The following PHIP variants were observed in gnomAD, a reference collection of about 807,000 sequenced individuals.
PHIP encodes the protein PHIP subunit of CUL4-Ring ligase complex.
PHIP carries 54 observed loss-of-function variants against 236.8 expected under a neutral mutation model. That is an observed-to-expected ratio of 0.23 (90% CI 0.18 to 0.29). PHIP has a LOEUF of 0.29. Ranked by LOEUF, PHIP falls within the 10% of genes least tolerant of loss-of-function variation. The pLI is 1.00. For synonymous variants in PHIP, 756 were observed against 718.9 expected (o/e 1.05, Z -0.83); for missense variants, 1,370 against 2,190.8 (o/e 0.63, Z 7.48).
chr6:79,019,049 GAAC>G (rs1359316227), intron 10 of PHIP, 37 bp downstream of exon 10: 1 of 1,422,926 alleles, frequency 7.0e-7, no homozygotes, highest in African/African-American at 1.4e-5. Context: ...GCTTCTAAAT[GAAC>G]AACTTTAAGT....
chr6:79,076,310 C>A (rs997771147), intron 4 of PHIP, among the ~76,000 whole-genome samples: 4 of 152,178 alleles, frequency 2.6e-5, no homozygotes, highest in Non-Finnish European at 5.9e-5. Flanking sequence ...TAGAGAAGTT[C>A]TGATGAAGTA....
intron 19 of PHIP, among the ~76,000 whole-genome samples, chr6:78,993,496 C>T (rs1482598827): frequency 6.6e-6 from 1 of 152,196 alleles, no homozygotes; most frequent in African/African-American, 2.4e-5. Context: ...GGGGCTAATA[C>T]AGCTAGTGAC....
At chr6:78,980,712 A>T (rs1768468354) in intron 23 of PHIP, among the ~76,000 whole-genome samples, 1 of 152,058 alleles carries the variant, frequency 6.6e-6, no homozygotes, top group African/African-American at 2.4e-5. Context: ...AGATCCCACA[A>T]CCCAGGAACT....
In PHIP at chr6:79,078,010, C is replaced by G; in HGVS notation, c.40+19G>C. On this transcript the variant is annotated intron_variant, in intron 1 of 39. Transcript: ENST00000275034. ...CGGAATCGCCCGGTGCCAGCGGCCC[C>G]GGCAGCCCCCCGACTTACCCGATCG... 1 of 1,608,088 alleles carries G rather than the reference C, an allele frequency of 6.2e-7. No individual in the cohort carries two copies. Among genetic ancestry groups the G allele is most frequent in the Non-Finnish European group, 8.5e-7 (1 of 1,178,868 alleles).
At position 79,070,857 on chromosome 6, in the gene PHIP, T is replaced by C. The variant is rs148252008; in HGVS notation, c.189+6591A>G. Among the ~76,000 whole-genome samples the C allele has an allele frequency of 2.3e-3, 358 of 152,378 alleles. 1 individual carries two copies. Among genetic ancestry groups the C allele is most frequent in the African/African-American group, 8.3e-3 (344 of 41,584 alleles). On this transcript the variant is annotated intron_variant, in intron 4 of 39. Coordinates refer to ENST00000275034, the MANE Select transcript of PHIP (RefSeq NM_017934.7). ...GTTACAATGTATTTTAAAAATTTTT[T>C]ATGTATTTTTTTCTAAACTATTTTG...
At chr6:78,942,678 T>G (rs1773568094) in intron 39 of PHIP, among the ~76,000 whole-genome samples, 2 of 152,300 alleles carry the variant, frequency 1.3e-5, no homozygotes, top group South Asian at 4.1e-4. Flanking sequence ...CAACTGACAT[T>G]TAAACTGCCC....
intron 6 of PHIP, 78 bp downstream of exon 6, chr6:79,060,400 A>C: frequency 1.1e-6 from 1 of 905,520 alleles, no homozygotes; most frequent in Non-Finnish European, 1.7e-6. Flanking sequence ...CTAATACCAC[A>C]GTAACTAAAA....
At chr6:79,050,197 A>G (rs1171401999) in intron 6 of PHIP, among the ~76,000 whole-genome samples, 4 of 152,118 alleles carry the variant, frequency 2.6e-5, no homozygotes, top group African/African-American at 9.7e-5. Flanking sequence ...CATAACAAGG[A>G]GAGGAAAAAG....
Position 79,055,500 on chromosome 6 carries a change from A to G in PHIP, c.439+4978T>C, listed in dbSNP as rs192551470. Reference sequence around the variant, plus strand: ...GATTCGCTAATACCTTTGGAAGTAAATGCTGCTATGCCAAGTACACACTCA... The same window carrying G: ...GATTCGCTAATACCTTTGGAAGTAAGTGCTGCTATGCCAAGTACACACTCA... On this transcript the variant is annotated intron_variant, in intron 6 of 39. Transcript: ENST00000275034. Among the ~76,000 whole-genome samples the G allele has an allele frequency of 3.1e-3, 475 of 152,314 alleles. 3 individuals are homozygous for G. Among genetic ancestry groups the G allele is most frequent in the African/African-American group, 0.011 (441 of 41,572 alleles).
At chr6:79,043,113 GA>G in intron 6 of PHIP, 110 bp from the exon 7 acceptor site, 2 of 806,344 alleles carry the variant, frequency 2.5e-6, no homozygotes, top group Admixed American at 5.4e-5. Context: ...TAAAAATAAA[GA>G]AGCTTTCTGA....
rs900794884 is a variant in PHIP, at chr6:78,940,565, T to C, written c.*128A>G. 1.1e-5 allele frequency: 2 copies of C among 189,424 alleles called. No individual in the cohort carries two copies. Among genetic ancestry groups the C allele is most frequent in the South Asian group, 4.1e-4 (2 of 4,856 alleles). 11.7% of individuals were successfully genotyped at this position (189,424 alleles called of 1,614,324 possible). A position where few individuals can be genotyped will look rare whatever the true frequency, so the allele number is the denominator to read the frequency against. On this transcript the variant is annotated 3_prime_UTR_variant, in exon 40 of 40. Transcript: ENST00000275034. ...GTAAGTTTGTTTTTTTTTTTTTTTT[T>C]TTTTTTGCAAATCAAATCATAACAT...
chr6:79,033,601 T>G (rs74392189), intron 7 of PHIP, among the ~76,000 whole-genome samples: 2,348 of 152,218 alleles, frequency 0.015, 64 homozygotes, highest in African/African-American at 0.053. Flanking sequence ...GAATTAAGAG[T>G]CAGGGTCTTG....
intron 19 of PHIP, among the ~76,000 whole-genome samples, chr6:78,993,229 T>C (rs1011164770): frequency 2.6e-5 from 4 of 152,236 alleles, no homozygotes; most frequent in African/African-American, 9.6e-5. Context: ...GGTTGGTTCA[T>C]GAGGCCTAAG....
intron 15 of PHIP, among the ~76,000 whole-genome samples, chr6:79,012,787 T>C (rs745347296): frequency 4.6e-5 from 7 of 151,634 alleles, no homozygotes; most frequent in South Asian, 2.1e-4. Flanking sequence ...TATCTTCCAT[T>C]TGCCCATAAA....
chr6:79,059,591 T>TTATA (rs72226338), intron 6 of PHIP, among the ~76,000 whole-genome samples: 4,237 of 84,342 alleles, frequency 0.05, 176 homozygotes, highest in Admixed American at 0.14. Flanking sequence ...GAAAGCAAAA[T>TTATA]TATATATATA....
At chr6:79,060,888 A>G in intron 4 of PHIP, 70 bp from the exon 5 acceptor site, 1 of 1,068,530 alleles carries the variant, frequency 9.4e-7, no homozygotes, top group Non-Finnish European at 1.3e-6. Context: ...TTGAGCAACA[A>G]TAAAAAAATT....
chr6:78,978,184 G>A (rs1017089992), intron 24 of PHIP, among the ~76,000 whole-genome samples: 5 of 151,980 alleles, frequency 3.3e-5, no homozygotes, highest in African/African-American at 1.2e-4. Context: ...TGTGAACACT[G>A]TGGGTAAACA....
At chr6:78,955,569 T>C (rs755485923) in intron 33 of PHIP, 44 bp downstream of exon 33, 3 of 674,826 alleles carry the variant, frequency 4.4e-6, no homozygotes, top group African/African-American at 1.9e-5. Context: ...AATTTTTTTA[T>C]ATAGAGAATA....
At chr6:78,962,999 G>A (rs1562128679) in intron 30 of PHIP, 98 bp downstream of exon 30, 15 of 1,013,304 alleles carry the variant, frequency 1.5e-5, no homozygotes, top group Non-Finnish European at 1.6e-5. Context: ...ACTGACTTAG[G>A]ATATTGTGAA....
Sources: allele counts gnomAD v4.1 joint callset (sites outside exome capture counted in the v4.1 genomes callset), GRCh38; gene constraint gnomAD v4.1.1; transcripts MANE v1.5; gene names NCBI Gene and HGNC (gene_info 2026-07-23, HGNC 2026-07-21).